Variants in NRXN3 observed in about 807,000 individuals in gnomAD.
NRXN3 encodes neurexin III.
A neutral mutation model predicts 137.6 loss-of-function variants in NRXN3; 32 were observed. The ratio of observed to expected loss-of-function variants is 0.23; its 90% confidence interval spans 0.18 to 0.31. The LOEUF (loss-of-function observed/expected upper bound fraction) is 0.31, where lower values mean the gene tolerates loss of function less well. NRXN3 is among the 10% of genes least tolerant of loss of function. The probability of loss-of-function intolerance (pLI) is 1.00; values close to 1 mark genes in which losing one functional copy is unlikely to be tolerated. For missense variants in NRXN3, 1,574 were observed against 2,062.5 expected (o/e 0.76, Z 4.59); for synonymous variants, 798 against 784.5 (o/e 1.02, Z -0.29).
At chr14:78,456,512 C>A (rs1400107955) in intron 4 of NRXN3, among the ~76,000 whole-genome samples, 1 of 152,226 alleles carries the variant, frequency 6.6e-6, no homozygotes, top group Admixed American at 6.5e-5. Flanking sequence ...CTATCACTAA[C>A]TTTCTTTTTC....
chr14:78,632,113 C>CAAAA (rs58767974), intron 4 of NRXN3, among the ~76,000 whole-genome samples: 4 of 75,042 alleles, frequency 5.3e-5, no homozygotes, highest in Non-Finnish European at 8.5e-5. Context: ...GACTCCGTCT[C>CAAAA]AAAAAAAAAA....
chr14:78,900,816 T>G (rs1487990689), intron 10 of NRXN3, among the ~76,000 whole-genome samples: 1 of 152,012 alleles, frequency 6.6e-6, no homozygotes, highest in African/African-American at 2.4e-5. Context: ...TTGATTGAAC[T>G]GTACTGCATA....
At chr14:78,454,865 G>A (rs2094646958) in intron 4 of NRXN3, among the ~76,000 whole-genome samples, 1 of 152,134 alleles carries the variant, frequency 6.6e-6, no homozygotes, top group Non-Finnish European at 1.5e-5. Context: ...GGGTGGTGAG[G>A]GGTAAGACTG....
intron 15 of NRXN3, among the ~76,000 whole-genome samples, chr14:79,257,409 G>A (rs1597924194): frequency 1.3e-5 from 1 of 74,840 alleles, no homozygotes; most frequent in Admixed American, 1.6e-4. Flanking sequence ...GGTGGTGGTG[G>A]TGGTGATGGT....
At chr14:78,289,090 A>ATC (rs967996627) in intron 3 of NRXN3, among the ~76,000 whole-genome samples, 1 of 152,166 alleles carries the variant, frequency 6.6e-6, no homozygotes, top group Non-Finnish European at 1.5e-5. Context: ...TAGCAGCAGG[A>ATC]TCTCTCTCTT....
intron 4 of NRXN3, among the ~76,000 whole-genome samples, chr14:78,382,829 G>A (rs1314549340): frequency 6.6e-6 from 1 of 152,108 alleles, no homozygotes; most frequent in East Asian, 1.9e-4. Context: ...TTATCTCCTG[G>A]GGCTTGTGAG....
intron 15 of NRXN3, among the ~76,000 whole-genome samples, chr14:79,441,580 C>T (rs530798520): frequency 2.7e-4 from 41 of 151,726 alleles, no homozygotes; most frequent in African/African-American, 8.2e-4. Flanking sequence ...CGGGGTTTCA[C>T]CGTGTTAGCC....
At chr14:78,183,347 G>C (rs916789782) in intron 1 of NRXN3, among the ~76,000 whole-genome samples, 1 of 152,132 alleles carries the variant, frequency 6.6e-6, no homozygotes, top group Non-Finnish European at 1.5e-5. Context: ...CACCCTCTGC[G>C]TGGTGCCTAC....
chr14:79,799,081 A>C (rs1375596725), intron 19 of NRXN3, among the ~76,000 whole-genome samples: 1 of 152,148 alleles, frequency 6.6e-6, no homozygotes, highest in Admixed American at 6.5e-5. Flanking sequence ...GGAGGAAAAA[A>C]AGAACATAAA....
At chr14:78,370,101 T>A (rs1291765984) in intron 4 of NRXN3, among the ~76,000 whole-genome samples, 1 of 152,146 alleles carries the variant, frequency 6.6e-6, no homozygotes, top group African/African-American at 2.4e-5. Context: ...CATTCCCTCC[T>A]TTCCAGCCAC....
At chr14:78,350,659 T>C (rs972155807) in intron 4 of NRXN3, among the ~76,000 whole-genome samples, 3 of 152,126 alleles carry the variant, frequency 2.0e-5, no homozygotes, top group African/African-American at 7.2e-5. Flanking sequence ...TTAAAAAAGA[T>C]TTATGTTTCA....
intron 20 of NRXN3, among the ~76,000 whole-genome samples, chr14:79,859,203 A>T (rs1225004442): frequency 1.3e-5 from 2 of 152,138 alleles, no homozygotes; most frequent in African/African-American, 2.4e-5. Flanking sequence ...ATGACACTGC[A>T]ACATTCTGTT....
At chr14:78,561,555 C>T (rs2096786311) in intron 4 of NRXN3, among the ~76,000 whole-genome samples, 1 of 152,116 alleles carries the variant, frequency 6.6e-6, no homozygotes, top group Non-Finnish European at 1.5e-5. Context: ...ATAGGGGACA[C>T]AGAGGGGAAA....
At chr14:78,472,048 T>C (rs2095285232) in intron 4 of NRXN3, among the ~76,000 whole-genome samples, 1 of 152,198 alleles carries the variant, frequency 6.6e-6, no homozygotes, top group Non-Finnish European at 1.5e-5. Context: ...CAAGCCAGAA[T>C]TCTGTGCTTT....
At chr14:78,387,226 TTTAC>T (rs2090100097) in intron 4 of NRXN3, among the ~76,000 whole-genome samples, 1 of 152,206 alleles carries the variant, frequency 6.6e-6, no homozygotes. Flanking sequence ...GAAATAATGA[TTTAC>T]TTAATTTGGA....
chr14:79,671,730 A>G (rs1324976456), intron 17 of NRXN3, among the ~76,000 whole-genome samples: 2 of 152,046 alleles, frequency 1.3e-5, no homozygotes, highest in Non-Finnish European at 2.9e-5. Flanking sequence ...CTTGTATCTT[A>G]TAAGTTAAAT....
intron 6 of NRXN3, among the ~76,000 whole-genome samples, chr14:78,682,633 T>C (rs750245308): frequency 6.6e-6 from 1 of 152,124 alleles, no homozygotes; most frequent in Admixed American, 6.5e-5. Flanking sequence ...AAGTGCTTAC[T>C]TGTAGGAACT....
At chr14:79,614,648 G>A (rs1018339840) in intron 16 of NRXN3, among the ~76,000 whole-genome samples, 15 of 152,156 alleles carry the variant, frequency 9.9e-5, no homozygotes, top group Non-Finnish European at 1.0e-4. Context: ...ATTGAATTAT[G>A]GGGAACGTGA....
At chr14:79,327,358 A>G (rs568704068) in intron 15 of NRXN3, among the ~76,000 whole-genome samples, 4 of 152,308 alleles carry the variant, frequency 2.6e-5, no homozygotes, top group Admixed American at 2.0e-4. Flanking sequence ...TGGAGAGATG[A>G]GAGTTCAATC....
Sources: allele counts gnomAD v4.1 joint callset (sites outside exome capture counted in the v4.1 genomes callset), GRCh38; gene constraint gnomAD v4.1.1; transcripts MANE v1.5; gene names NCBI Gene and HGNC (gene_info 2026-07-23, HGNC 2026-07-21).